Variants in SUV39H2 observed in about 807,000 individuals in gnomAD.
SUV39H2 encodes histone-lysine N-methyltransferase SUV39H2.
In SUV39H2, 10 loss-of-function variants were observed where a neutral mutation model predicts 47.5. The ratio of observed to expected loss-of-function variants is 0.21; its 90% CI spans 0.13 to 0.36. SUV39H2 has a LOEUF of 0.36. SUV39H2 is among the 10% of genes least tolerant of loss of function. The pLI, the probability that SUV39H2 is intolerant of heterozygous loss-of-function variation, is 1.00. For missense variants in SUV39H2, 266 were observed against 487.4 expected, an observed-to-expected ratio of 0.55 and a Z score of 4.28; for synonymous variants, 159 against 166.8, an observed-to-expected ratio of 0.95 and a Z score of 0.36.
At chr10:14,883,223 A>G (rs918307029) in intron 2 of SUV39H2, among the ~76,000 whole-genome samples, 1 of 151,912 alleles carries the variant, frequency 6.6e-6, no homozygotes, top group Non-Finnish European at 1.5e-5. Context: ...TTTTACTGAT[A>G]TATCTCAGTC....
intron 2 of SUV39H2, among the ~76,000 whole-genome samples, chr10:14,882,235 A>C (rs948715191): frequency 6.6e-6 from 1 of 152,250 alleles, no homozygotes; most frequent in Non-Finnish European, 1.5e-5. Context: ...TCTAAACTGT[A>C]TATTTTTGAG....
At chr10:14,899,104 G>A in intron 3 of SUV39H2, 1 of 632,450 alleles carries the variant, frequency 1.6e-6, no homozygotes, top group South Asian at 1.8e-5. Context: ...AGGCTCACTT[G>A]AGCCCAGGAG....
chr10:14,880,987 G>A (rs1406101202), intron 1 of SUV39H2, among the ~76,000 whole-genome samples: 1 of 152,068 alleles, frequency 6.6e-6, no homozygotes, highest in Non-Finnish European at 1.5e-5. Flanking sequence ...TGTAACCGTA[G>A]AAATATATTT....
chr10:14,881,765 T>C (rs1011125360), intron 2 of SUV39H2, 120 bp downstream of exon 2: 1 of 948,198 alleles, frequency 1.1e-6, no homozygotes. Context: ...TTCTAAGGCA[T>C]GATAAATTTA....
intron 2 of SUV39H2, among the ~76,000 whole-genome samples, chr10:14,889,843 C>T (rs1392444146): frequency 1.3e-5 from 2 of 152,108 alleles, no homozygotes; most frequent in African/African-American, 4.8e-5. Flanking sequence ...AGTATTGAGT[C>T]TCAATGCAAG....
At chr10:14,898,857 TG>T (rs1833788995) in intron 3 of SUV39H2, 1 of 199,226 alleles carries the variant, frequency 5.0e-6, no homozygotes, top group African/African-American at 2.3e-5. Context: ...CATTTGTAAC[TG>T]CATATATATA....
chr10:14,899,735 A>T (rs1175189312), intron 4 of SUV39H2, 50 bp downstream of exon 4: 2 of 1,587,666 alleles, frequency 1.3e-6, no homozygotes, highest in Admixed American at 3.6e-5. Flanking sequence ...TCAACCTAGT[A>T]CTAGTTTCCA....
chr10:14,897,412 A>T lies in SUV39H2; in HGVS notation c.744A>T (p.Thr248=), dbSNP rs1391821683. The T allele has an allele frequency of 6.2e-7, 1 of 1,613,538 alleles. No homozygotes were observed. Among genetic ancestry groups the T allele is most frequent in the African/African-American group, 1.3e-5 (1 of 75,072 alleles). The change falls in exon 3 of 6, where the codon ACA becomes ACT. Residue 248 remains threonine, a synonymous_variant. Coordinates refer to ENST00000354919, the MANE Select transcript of SUV39H2 (RefSeq NM_001193424.2). ...CCAATAGGATTGTACAAAAAGGCAC[A>T]CAGTATTCGCTTTGCATCTTTCGAA... ...DCPNRIVQKG[T]QYSLCIFRTS...
At chr10:14,881,769 A>G (rs2131668709) in intron 2 of SUV39H2, 124 bp downstream of exon 2, 2 of 860,882 alleles carry the variant, frequency 2.3e-6, no homozygotes, top group East Asian at 3.0e-5. Flanking sequence ...AAGGCATGAT[A>G]AATTTATATG....
At position 14,890,511 on chromosome 10, in the gene SUV39H2, G is replaced by A. The variant is rs760342042; in HGVS notation, c.178-6335G>A. Among the ~76,000 whole-genome samples, 101 of 152,086 alleles carry A rather than the reference G, an allele frequency of 6.6e-4. 1 individual carries two copies. Among genetic ancestry groups the A allele is most frequent in the Non-Finnish European group, 1.0e-3 (68 of 68,016 alleles). ...AGGCTCAAACGATCCTCGCATCTCC[G>A]CCTCTTGAGTAGCTAAGACCACAGG... On this transcript the variant is annotated intron_variant, in intron 2 of 5. Transcript: ENST00000354919.
intron 3 of SUV39H2, 73 bp from the exon 4 acceptor site, chr10:14,899,466 A>G (rs371193897): frequency 1.3e-6 from 2 of 1,500,746 alleles, no homozygotes; most frequent in African/African-American, 1.4e-5. Flanking sequence ...GTATTCGCAT[A>G]TTAGTAGATA....
At chr10:14,893,798 AT>A (rs1833472283) in intron 2 of SUV39H2, among the ~76,000 whole-genome samples, 1 of 152,210 alleles carries the variant, frequency 6.6e-6, no homozygotes, top group East Asian at 1.9e-4. Context: ...AAACTTGGTC[AT>A]TTAAAATGCA....
intron 2 of SUV39H2, among the ~76,000 whole-genome samples, chr10:14,891,238 AG>A (rs1481017039): frequency 2.0e-5 from 3 of 152,334 alleles, no homozygotes; most frequent in Admixed American, 6.5e-5. Context: ...TGAACAAAGC[AG>A]CAGGGGCATC....
rs190438184 is a variant in SUV39H2, at chr10:14,903,478, T to C, written c.*966T>C. 54 of 152,338 alleles carry C rather than the reference T, an allele frequency of 3.5e-4. 1 individual carries two copies. The highest frequency in any genetic ancestry group is 1.2e-3 in the Admixed American group (18 of 15,304). 9.4% of individuals were successfully genotyped at this position (152,338 alleles called of 1,614,324 possible). ...TGTAACAGTTCCTTTCCACCAGATT[T>C]AATATTTTTATACTTCCTGCAGGTT... On this transcript the variant is annotated 3_prime_UTR_variant, in exon 6 of 6. Coordinates refer to ENST00000354919, the MANE Select transcript of SUV39H2 (RefSeq NM_001193424.2).
intron 1 of SUV39H2, among the ~76,000 whole-genome samples, chr10:14,879,464 A>G (rs903064364): frequency 6.6e-6 from 1 of 152,196 alleles, no homozygotes; most frequent in African/African-American, 2.4e-5. Context: ...CGGACACGCT[A>G]GGAGGTTGAG....
intron 5 of SUV39H2, among the ~76,000 whole-genome samples, chr10:14,901,532 C>G (rs1340019229): frequency 6.6e-6 from 1 of 151,632 alleles, no homozygotes; most frequent in African/African-American, 2.4e-5. Flanking sequence ...CATCTTAATA[C>G]TGTACTACTT....
intron 1 of SUV39H2, among the ~76,000 whole-genome samples, chr10:14,880,601 A>G (rs181317476): frequency 6.6e-6 from 1 of 152,300 alleles, no homozygotes; most frequent in East Asian, 1.9e-4. Flanking sequence ...CACTAGCCCT[A>G]ACAACAAGTT....
At chr10:14,901,286 A>G (rs1833986150) in intron 5 of SUV39H2, 24 bp downstream of exon 5, 4 of 1,612,748 alleles carry the variant, frequency 2.5e-6, no homozygotes, top group Non-Finnish European at 3.4e-6. Context: ...GTACAGTTTC[A>G]TTGGTGTCAG....
At position 14,897,226 on chromosome 10, in the gene SUV39H2, A is replaced by G; in HGVS notation, c.558A>G (p.Glu186=). ...CTCCTGGAATCAGCTTAGTCAATGA[A>G]GCTACCTTTGGTTGTTCATGCACAG... is the stretch of plus-strand genomic sequence containing the variant. ...KPAPGISLVN[E]ATFGCSCTDC... The change falls in exon 3 of 6, where the codon GAA becomes GAG. Residue 186 remains glutamate (E), a synonymous_variant. Transcript: ENST00000354919. 6.2e-7 allele frequency: 1 copy of G among 1,613,896 alleles called. No individual in the cohort carries two copies. The highest frequency in any genetic ancestry group is 8.5e-7 in the Non-Finnish European group (1 of 1,180,036).
Sources: gnomAD v4.1 joint callset for allele counts (sites outside exome capture counted in the v4.1 genomes callset) on GRCh38, gnomAD v4.1.1 for gene constraint, MANE v1.5 for transcripts, NCBI Gene and HGNC (gene_info 2026-07-23, HGNC 2026-07-21) for gene names.